Variants in PKP1 observed in about 807,000 individuals in gnomAD.
The protein encoded by PKP1 is plakophilin 1.
A neutral mutation model predicts 76.4 loss-of-function variants in PKP1; 27 were observed. The ratio of observed to expected loss-of-function variants is 0.35; its 90% CI spans 0.26 to 0.49. The LOEUF is 0.49. PKP1 is among the 20% of genes least tolerant of loss of function. PKP1 has a pLI of 0.99. For synonymous variants in PKP1, 404 were observed against 384.2 expected, an observed-to-expected ratio of 1.05 and a Z score of -0.60; for missense variants, 964 against 955.2, an observed-to-expected ratio of 1.01 and a Z score of -0.12.
At chr1:201,327,197 T>C (rs1657151275) in intron 12 of PKP1, among the ~76,000 whole-genome samples, 1 of 152,074 alleles carries the variant, frequency 6.6e-6, no homozygotes, top group Non-Finnish European at 1.5e-5. Context: ...AAGAGATCTG[T>C]TTAAAGACAG....
chr1:201,325,807 C>A lies in PKP1; in HGVS notation c.2075C>A (p.Ser692Tyr). Residue 692 changes from serine (S) to tyrosine (Y), a missense_variant, in exon 12 of 14, where the codon TCC (serine) becomes TAC (tyrosine). Coordinates refer to ENST00000367324, the MANE Select transcript of PKP1 (RefSeq NM_001005337.3). ...AARLLLSDMW[S>Y]SKELQGVLRQ... is the part of the protein sequence containing the mutation. ...CGGCTTCTCCTGTCTGACATGTGGT[C>A]CAGCAAGGAACTGCAGGGTGTCCTC... is the stretch of plus-strand genomic sequence containing the variant. 6.2e-7 allele frequency: 1 copy of A among 1,613,978 alleles called. No homozygotes were observed. Among genetic ancestry groups the A allele is most frequent in the South Asian group, 1.1e-5 (1 of 91,078 alleles).
In PKP1 at chr1:201,283,590, A is replaced by G; in HGVS notation, c.-113A>G. 1.1e-6 allele frequency: 1 copy of G among 931,652 alleles called. No individual in the cohort carries two copies. The highest frequency in any genetic ancestry group is 1.7e-6 in the Non-Finnish European group (1 of 591,988). 57.7% of individuals were successfully genotyped at this position (931,652 alleles called of 1,614,324 possible). Reference sequence around the variant, plus strand: ...CGCGGACCACGCACTCTATGGCCGTAGGGAGCCGCTGAGAGCGAGAAGAGC... The same window carrying G: ...CGCGGACCACGCACTCTATGGCCGTGGGGAGCCGCTGAGAGCGAGAAGAGC... On this transcript the variant is annotated 5_prime_UTR_variant, in exon 1 of 14. Coordinates refer to ENST00000367324, the MANE Select transcript of PKP1 (RefSeq NM_001005337.3).
intron 1 of PKP1, among the ~76,000 whole-genome samples, chr1:201,289,898 A>G (rs894718377): frequency 5.9e-5 from 9 of 152,046 alleles, no homozygotes; most frequent in Non-Finnish European, 1.2e-4. Flanking sequence ...AGGGTTGGAG[A>G]AGAAGAGAAA....
In PKP1 at chr1:201,322,004, G is replaced by T. The variant is rs368961324; in HGVS notation, c.1374G>T (p.Leu458=). 6 of 1,613,944 alleles carry T rather than the reference G, an allele frequency of 3.7e-6. No individual in the cohort carries two copies. The African/African-American group carries it at 8.0e-5, about 22-fold the overall frequency. The change falls in exon 8 of 14, where the codon CTG becomes CTT. Residue 458 remains leucine, a synonymous_variant. Transcript: ENST00000367324. ...DKSVENCMCV[L]HNLSYRLDAE... ...CTGTGGAAAACTGCATGTGTGTTCT[G>T]CACAACCTCTCCTACCGCCTGGACG...
At chr1:201,328,659 T>C (rs1317403988) in intron 12 of PKP1, 103 bp from the exon 13 acceptor site, 6 of 952,158 alleles carry the variant, frequency 6.3e-6, no homozygotes, top group African/African-American at 1.6e-5. Flanking sequence ...AGAGAGAGGC[T>C]GTGTGAGCCG....
At chr1:201,286,797 C>T (rs1374165608) in intron 1 of PKP1, among the ~76,000 whole-genome samples, 1 of 152,120 alleles carries the variant, frequency 6.6e-6, no homozygotes, top group South Asian at 2.1e-4. Context: ...GTGTGGAAGG[C>T]AAGGGGAAAC....
chr1:201,309,888 G>A (rs1656485940), intron 2 of PKP1, among the ~76,000 whole-genome samples: 1 of 152,240 alleles, frequency 6.6e-6, no homozygotes, highest in Non-Finnish European at 1.5e-5. Flanking sequence ...GGTGCCGACA[G>A]CACCCAAGTA....
intron 1 of PKP1, among the ~76,000 whole-genome samples, chr1:201,291,623 G>A (rs1655920071): frequency 6.6e-6 from 1 of 152,200 alleles, no homozygotes; most frequent in Non-Finnish European, 1.5e-5. Flanking sequence ...ATAGCAGGAG[G>A]CCTCCCCGGT....
chr1:201,321,749 G>C (rs1021461012), intron 7 of PKP1, among the ~76,000 whole-genome samples: 1 of 152,188 alleles, frequency 6.6e-6, no homozygotes, highest in African/African-American at 2.4e-5. Context: ...CTGAGGCCCA[G>C]AGAAGTGAGG....
intron 12 of PKP1, among the ~76,000 whole-genome samples, chr1:201,327,019 C>T (rs764244492): frequency 4.6e-5 from 7 of 152,160 alleles, no homozygotes; most frequent in South Asian, 2.1e-4. Context: ...TCCGGTGCTT[C>T]GGAAGTCTCT....
chr1:201,323,086 A>G lies in PKP1; in HGVS notation c.1577A>G (p.Asp526Gly). 1 of 1,614,154 alleles carries G rather than the reference A, an allele frequency of 6.2e-7. No homozygotes were observed. The highest frequency in any genetic ancestry group is 8.5e-7 in the Non-Finnish European group (1 of 1,180,000). ...GGCAGCGGCTGGTTGTACCATTCAGATGCCATCCGCACCTACCTGAACCTC... is the reference window on the plus strand; with the variant it reads ...GGCAGCGGCTGGTTGTACCATTCAGGTGCCATCCGCACCTACCTGAACCTC... ...PKGSGWLYHS[D>G]AIRTYLNLMG... is the part of the protein sequence containing the mutation. Residue 526 changes from aspartate (D) to glycine (G), a missense_variant, in exon 9 of 14, where the codon GAT becomes GGT. Physicochemically the swap from Asp to Gly is moderately conservative, Grantham distance 94. Coordinates refer to ENST00000367324, the MANE Select transcript of PKP1 (RefSeq NM_001005337.3).
chr1:201,309,175 T>C (rs1277848048), intron 2 of PKP1, among the ~76,000 whole-genome samples: 3 of 151,950 alleles, frequency 2.0e-5, no homozygotes, highest in Admixed American at 6.5e-5. Flanking sequence ...GACTGTCTCC[T>C]TGCCTATAAA....
intron 1 of PKP1, among the ~76,000 whole-genome samples, chr1:201,291,878 C>T (rs570930093): frequency 1.3e-5 from 2 of 152,370 alleles, no homozygotes; most frequent in East Asian, 1.9e-4. Flanking sequence ...TCCTTGGGAG[C>T]ACCAGTCCTG....
chr1:201,286,758 G>A (rs1047153992), intron 1 of PKP1, among the ~76,000 whole-genome samples: 1 of 152,128 alleles, frequency 6.6e-6, no homozygotes, highest in African/African-American at 2.4e-5. Flanking sequence ...TGTGCCTCAG[G>A]GTGTCTGGCC....
chr1:201,309,282 G>A (rs1416615554), intron 2 of PKP1, among the ~76,000 whole-genome samples: 1 of 151,938 alleles, frequency 6.6e-6, no homozygotes, highest in Non-Finnish European at 1.5e-5. Context: ...TCTCCAAGAA[G>A]GAAGGGGAGA....
intron 3 of PKP1, among the ~76,000 whole-genome samples, chr1:201,315,119 A>G (rs536941234): frequency 6.6e-6 from 1 of 152,222 alleles, no homozygotes; most frequent in South Asian, 2.1e-4. Context: ...GAACTAAGAA[A>G]CCTCTCTGTC....
At position 201,317,670 on chromosome 1, in the gene PKP1, G is replaced by A. The variant is rs200097129; in HGVS notation, c.945G>A (p.Val315=). The A allele has an allele frequency of 3.3e-5, 54 of 1,614,010 alleles. 1 individual carries two copies. The East Asian group carries it at 1.0e-3, about 31-fold the overall frequency. ...CGGCAGGGGCCCTGCGCAACCTGGT[G>A]TTCAGGAGCACCACCAACAAGCTGG... ...QAAAGALRNL[V]FRSTTNKLET... is the part of the protein sequence containing the mutation. Residue 315 remains valine (V), a synonymous_variant, in exon 5 of 14, where the codon GTG becomes GTA. Coordinates refer to ENST00000367324, the MANE Select transcript of PKP1 (RefSeq NM_001005337.3).
chr1:201,290,520 G>A (rs1655882199), intron 1 of PKP1, among the ~76,000 whole-genome samples: 6 of 152,174 alleles, frequency 3.9e-5, no homozygotes, highest in Admixed American at 3.9e-4. Context: ...TCCTCAAGGA[G>A]GTGGCCTTGG....
intron 2 of PKP1, among the ~76,000 whole-genome samples, chr1:201,309,618 C>G (rs1251391259): frequency 6.6e-6 from 1 of 152,064 alleles, no homozygotes; most frequent in African/African-American, 2.4e-5. Context: ...CAGCAGATTG[C>G]TATCTGAGTG....
Sources: gnomAD v4.1 joint callset for allele counts (sites outside exome capture counted in the v4.1 genomes callset) on GRCh38, gnomAD v4.1.1 for gene constraint, MANE v1.5 for transcripts, NCBI Gene and HGNC (gene_info 2026-07-23, HGNC 2026-07-21) for gene names.